LDB1: variants seen among roughly 807,000 people sequenced by gnomAD.
LDB1 encodes the protein LIM domain binding 1.
LDB1 carries 6 observed loss-of-function variants against 49.7 expected under a neutral mutation model. The ratio of observed to expected loss-of-function variants is 0.12; its 90% CI spans 0.07 to 0.24. The LOEUF (loss-of-function observed/expected upper bound fraction) is 0.24, where lower values mean the gene tolerates loss of function less well. Ranked by LOEUF, LDB1 falls within the 10% of genes least tolerant of loss-of-function variation. LDB1 has a pLI of 1.00. For synonymous variants in LDB1, 233 were observed against 202.0 expected, an observed-to-expected ratio of 1.15 and a Z score of -1.30; for missense variants, 341 against 561.7, an observed-to-expected ratio of 0.61 and a Z score of 3.97.
chr10:102,117,892 CAT>C lies in LDB1; in HGVS notation c.25+2192_25+2193del. Among the ~76,000 whole-genome samples the C allele has an allele frequency of 6.6e-6, 1 of 152,138 alleles. No homozygotes were observed. Among genetic ancestry groups the C allele is most frequent in the Non-Finnish European group, 1.5e-5 (1 of 68,026 alleles). On this transcript the variant is annotated intron_variant, in intron 1 of 10. Transcript: ENST00000673968. This position sits in a 1 kb window ranked among gnomAD's most constrained non-coding sequence, Gnocchi z 4.2. ...GTATCTTGTGGTGCTTCTGCGTGTG[CAT>C]GTGTGTGGGTCTGTGTGCGCTCTGG... is the stretch of plus-strand genomic sequence containing the variant.
At chr10:102,120,494 A>C, upstream of LDB1, 1 of 585,092 alleles carries the variant, frequency 1.7e-6, no homozygotes, top group Non-Finnish European at 2.2e-6. Context: ...CCCCAGCCCA[A>C]GCCGGGCAGG....
chr10:102,109,569 T>G lies in LDB1; in HGVS notation c.732+31A>C. ...GACATGGAGCCGAGACTAAATGGAC[T>G]GGGGCAGAAACTGGGTGGTCGGAGA... is the stretch of plus-strand genomic sequence containing the variant. On this transcript the variant is annotated intron_variant, in intron 8 of 10. Transcript: ENST00000673968. This position sits in a 1 kb window ranked among gnomAD's most constrained non-coding sequence, Gnocchi z 5.8. 6.2e-7 allele frequency: 1 copy of G among 1,613,928 alleles called. No homozygotes were observed. The highest frequency in any genetic ancestry group is 1.3e-5 in the African/African-American group (1 of 74,966).
At chr10:102,108,445 T>C (rs1318861110) in intron 10 of LDB1, 122 bp from the exon 11 acceptor site, 1 of 678,530 alleles carries the variant, frequency 1.5e-6, no homozygotes, top group African/African-American at 1.8e-5. Flanking sequence ...CCCCTCCTCA[T>C]ACCCGAATTT....
chr10:102,113,962 T>C (rs796633187), intron 1 of LDB1, among the ~76,000 whole-genome samples: 16 of 150,966 alleles, frequency 1.1e-4, no homozygotes, highest in South Asian at 6.3e-4. Flanking sequence ...GGCTTGGGAG[T>C]GAGTAGAGAA....
Position 102,120,132 on chromosome 10 carries a change from G to A in LDB1, c.-22C>T. On this transcript the variant is annotated 5_prime_UTR_variant, in exon 1 of 11. Transcript: ENST00000673968. ...ACATCTTCACATCGCCCGCCTCTGG[G>A]GGCCCAGCCGAGTCACGGTGCCCGC... 1 of 1,325,060 alleles carries A rather than the reference G, an allele frequency of 7.5e-7. No individual in the cohort carries two copies. Among genetic ancestry groups the A allele is most frequent in the Non-Finnish European group, 9.8e-7 (1 of 1,025,236 alleles). The allele number at this position is 1,325,060 out of a possible 1,614,324, so 82.1% of individuals were successfully genotyped here.
At chr10:102,119,967 G>A (rs2068394366) in intron 1 of LDB1, 119 bp downstream of exon 1, 1 of 729,260 alleles carries the variant, frequency 1.4e-6, no homozygotes, top group Non-Finnish European at 2.0e-6. Flanking sequence ...AGCCCTTCCA[G>A]CCCCCGGCTT....
At chr10:102,116,179 C>T (rs1405865312) in intron 1 of LDB1, among the ~76,000 whole-genome samples, 3 of 152,160 alleles carry the variant, frequency 2.0e-5, no homozygotes, top group African/African-American at 7.2e-5. Flanking sequence ...CACATTTCAA[C>T]CTGTGATATA....
At chr10:102,110,110 A>G in intron 6 of LDB1, 67 bp from the exon 7 acceptor site, 1 of 1,531,070 alleles carries the variant, frequency 6.5e-7, no homozygotes, top group South Asian at 1.2e-5. Context: ...TGTCTATTAC[A>G]GTCTCCCATT....
intron 1 of LDB1, among the ~76,000 whole-genome samples, chr10:102,113,885 C>G (rs1490358722): frequency 6.6e-6 from 1 of 152,192 alleles, no homozygotes; most frequent in African/African-American, 2.4e-5. Flanking sequence ...TCTATTTACA[C>G]CTCCAGTGAA....
At chr10:102,119,475 C>T (rs1263984392) in intron 1 of LDB1, among the ~76,000 whole-genome samples, 1 of 152,116 alleles carries the variant, frequency 6.6e-6, no homozygotes, top group Non-Finnish European at 1.5e-5. Flanking sequence ...CCTAGCCTGC[C>T]CTCCCACTAG....
At chr10:102,110,172 G>T in intron 6 of LDB1, 129 bp from the exon 7 acceptor site, 1 of 1,034,252 alleles carries the variant, frequency 9.7e-7, no homozygotes, top group Non-Finnish European at 1.4e-6. Context: ...CATTAAATCT[G>T]GGTGCATAAA....
chr10:102,105,216 C>G (rs2068146307), downstream of LDB1, among the ~76,000 whole-genome samples: 1 of 152,016 alleles, frequency 6.6e-6, no homozygotes, highest in African/African-American at 2.4e-5. Context: ...TGGCAGTTGG[C>G]TGGTAAATGT....
intron 1 of LDB1, among the ~76,000 whole-genome samples, chr10:102,115,200 T>G (rs536136897): frequency 4.0e-4 from 61 of 152,084 alleles, no homozygotes; most frequent in African/African-American, 1.1e-3. Flanking sequence ...GAGAGGCCTG[T>G]GGGGGCCAGG....
rs2068177479 is a variant in LDB1, at chr10:102,107,314, G to C, written c.*779C>G. On this transcript the variant is annotated 3_prime_UTR_variant, in exon 11 of 11. Coordinates refer to ENST00000673968, the MANE Select transcript of LDB1 (RefSeq NM_001113407.3). Reference sequence around the variant, plus strand: ...GACACAGAGACAACAGCAGGGGTCTGTCACCAAAATGTGGCCACCAATGTC... The same window carrying C: ...GACACAGAGACAACAGCAGGGGTCTCTCACCAAAATGTGGCCACCAATGTC... 6.6e-6 allele frequency among the ~76,000 whole-genome samples: 1 copy of C among 152,062 alleles called. No homozygotes were observed. Among genetic ancestry groups the C allele is most frequent in the Admixed American group, 6.5e-5 (1 of 15,270 alleles).
At chr10:102,103,089 G>A (rs2068131391), downstream of LDB1, among the ~76,000 whole-genome samples, 1 of 152,154 alleles carries the variant, frequency 6.6e-6, no homozygotes, top group South Asian at 2.1e-4. Flanking sequence ...GAGTGCAGTG[G>A]CACAATCTTA....
chr10:102,110,497 C>T, intron 6 of LDB1, 32 bp downstream of exon 6: 1 of 1,591,826 alleles, frequency 6.3e-7, no homozygotes, highest in South Asian at 1.2e-5. Flanking sequence ...ACCCAGGTGC[C>T]ATGGTGTTCC....
intron 1 of LDB1, among the ~76,000 whole-genome samples, chr10:102,114,219 T>C (rs2786843): frequency 0.079 from 12,069 of 152,182 alleles, 598 homozygotes; most frequent in African/African-American, 0.14. Flanking sequence ...AGCTGGGTAT[T>C]GCCATGGTAA....
chr10:102,108,863 G>T, intron 10 of LDB1, 166 bp downstream of exon 10: 1 of 858,452 alleles, frequency 1.2e-6, no homozygotes, highest in Non-Finnish European at 1.9e-6. Context: ...CCATGCAAGT[G>T]CCTGACAAGA....
chr10:102,119,540 C>G (rs2068382207), intron 1 of LDB1, among the ~76,000 whole-genome samples: 1 of 152,004 alleles, frequency 6.6e-6, no homozygotes, highest in Non-Finnish European at 1.5e-5. Flanking sequence ...AGGAGTACCT[C>G]CGGTGCCTCA....
Sources: gnomAD v4.1 joint callset for allele counts (sites outside exome capture counted in the v4.1 genomes callset) on GRCh38, gnomAD v4.1.1 for gene constraint, Gnocchi (gnomAD v3.1) non-coding constraint, MANE v1.5 for transcripts, NCBI Gene and HGNC (gene_info 2026-07-23, HGNC 2026-07-21) for gene names.